The following PTPRN2 variants were observed in gnomAD, a reference collection of about 807,000 sequenced individuals.
PTPRN2 encodes the protein receptor-type tyrosine-protein phosphatase N2.
PTPRN2 carries 74 observed loss-of-function variants against 118.8 expected under a neutral mutation model. That is an observed-to-expected ratio of 0.62 (90% CI 0.52 to 0.76). The LOEUF (loss-of-function observed/expected upper bound fraction) is 0.76. Among genes scored for constraint, PTPRN2 ranks in the 30% least tolerant of loss-of-function variants. The pLI is 0.00. For missense variants in PTPRN2, 1,481 were observed against 1,394.4 expected, an observed-to-expected ratio of 1.06 and a Z score of -0.99; for synonymous variants, 641 against 608.0, an observed-to-expected ratio of 1.05 and a Z score of -0.80.
chr7:157,820,019 T>A (rs1052316370), intron 12 of PTPRN2, among the ~76,000 whole-genome samples: 2 of 142,742 alleles, frequency 1.4e-5, no homozygotes, highest in African/African-American at 5.3e-5. Context: ...CACACACACA[T>A]GCACACACAC....
chr7:158,115,263 C>T (rs916086934), intron 9 of PTPRN2, among the ~76,000 whole-genome samples: 4 of 152,136 alleles, frequency 2.6e-5, no homozygotes, highest in African/African-American at 7.2e-5. Context: ...AGGGAAACAG[C>T]TGGTGGCCTC....
intron 3 of PTPRN2, among the ~76,000 whole-genome samples, chr7:158,230,614 TTTAAG>T (rs1829103433): frequency 6.6e-6 from 1 of 152,180 alleles, no homozygotes; most frequent in Non-Finnish European, 1.5e-5. Context: ...TTGTTATATG[TTTAAG>T]TTGTTTTTTA....
intron 12 of PTPRN2, chr7:157,863,807 T>C (rs1233417698): frequency 6.6e-6 from 1 of 152,002 alleles, no homozygotes; most frequent in East Asian, 1.9e-4. Flanking sequence ...GACGTGCACG[T>C]GTGGAGACAC....
intron 11 of PTPRN2, among the ~76,000 whole-genome samples, chr7:158,033,173 G>T (rs1417423859): frequency 3.9e-5 from 3 of 77,530 alleles, no homozygotes; most frequent in African/African-American, 2.1e-4. Flanking sequence ...GCCATTGGGG[G>T]CCACGAATAA....
At chr7:157,688,984 G>A (rs1797333453) in intron 12 of PTPRN2, among the ~76,000 whole-genome samples, 1 of 152,196 alleles carries the variant, frequency 6.6e-6, no homozygotes, top group Non-Finnish European at 1.5e-5. Flanking sequence ...AGGGTGCTGC[G>A]GCCCAGCCTC....
rs111679599 is a variant in PTPRN2 at position 157,831,337 on chromosome 7, G to A, written c.1788+67336C>T. Among the ~76,000 whole-genome samples, 96 of 152,302 alleles carry A rather than the reference G, an allele frequency of 6.3e-4. 1 individual carries two copies. Among genetic ancestry groups the A allele is most frequent in the African/African-American group, 2.1e-3 (87 of 41,572 alleles). On this transcript the variant is annotated intron_variant, in intron 12 of 22. Transcript: ENST00000389418. This position sits in a 1 kb window ranked among gnomAD's most constrained non-coding sequence, Gnocchi z 4.8. ...TCCAGGTGTCCCGCCATGTGCAGCC[G>A]TGAATATCCTGTAGTCTAAGCCTTC... is the stretch of plus-strand genomic sequence containing the variant.
At chr7:157,840,499 T>A (rs1390710128) in intron 12 of PTPRN2, among the ~76,000 whole-genome samples, 1 of 151,914 alleles carries the variant, frequency 6.6e-6, no homozygotes, top group Non-Finnish European at 1.5e-5. Flanking sequence ...ACTGTGTGAC[T>A]GTGTGGAGTG....
chr7:157,557,551 C>CA (rs1404988718), intron 21 of PTPRN2, among the ~76,000 whole-genome samples: 82 of 70,412 alleles, frequency 1.2e-3, no homozygotes, highest in African/African-American at 4.5e-3. Flanking sequence ...CACACACACT[C>CA]CCACACACAC....
intron 5 of PTPRN2, among the ~76,000 whole-genome samples, chr7:158,189,403 T>C (rs1585791719): frequency 6.6e-6 from 1 of 152,230 alleles, no homozygotes; most frequent in African/African-American, 2.4e-5. Context: ...GAGGCTCCCA[T>C]TGAATGAAAC....
At chr7:158,578,551 ATCATAGATTC>A (rs1828463703) in intron 1 of PTPRN2, among the ~76,000 whole-genome samples, 1 of 151,396 alleles carries the variant, frequency 6.6e-6, no homozygotes, top group Non-Finnish European at 1.5e-5. Context: ...AAAAAAAAAA[ATCATAGATTC>A]AAAGAGTACA....
chr7:157,679,953 G>A (rs1733325655), intron 13 of PTPRN2, among the ~76,000 whole-genome samples: 1 of 152,070 alleles, frequency 6.6e-6, no homozygotes, highest in Admixed American at 6.6e-5. Flanking sequence ...CCACCTCCAC[G>A]CACCCGTCTC....
At chr7:158,583,190 C>G (rs927097212) in intron 1 of PTPRN2, among the ~76,000 whole-genome samples, 2 of 152,096 alleles carry the variant, frequency 1.3e-5, no homozygotes, top group African/African-American at 2.4e-5. Flanking sequence ...CAAAACAAAC[C>G]CAGAATGCAG....
At chr7:158,300,622 C>T (rs7807532) in intron 3 of PTPRN2, among the ~76,000 whole-genome samples, 114 of 152,374 alleles carry the variant, frequency 7.5e-4, no homozygotes, top group African/African-American at 2.6e-3. Flanking sequence ...GCTCATGTGG[C>T]CCTAAGAGGC....
At chr7:158,056,422 C>A (rs192748580) in intron 11 of PTPRN2, among the ~76,000 whole-genome samples, 1 of 152,322 alleles carries the variant, frequency 6.6e-6, no homozygotes, top group South Asian at 2.1e-4. Context: ...CTCCCATGAG[C>A]CCAGGGGAAA....
intron 6 of PTPRN2, among the ~76,000 whole-genome samples, chr7:158,140,900 T>C (rs1490552643): frequency 2.0e-5 from 3 of 152,232 alleles, no homozygotes; most frequent in African/African-American, 7.2e-5. Context: ...TCTTTTGTAT[T>C]CAGTGTTGAA....
At chr7:158,326,550 CAT>C (rs1200065139) in intron 2 of PTPRN2, among the ~76,000 whole-genome samples, 5 of 152,252 alleles carry the variant, frequency 3.3e-5, no homozygotes, top group African/African-American at 4.8e-5. Flanking sequence ...CACACAACCA[CAT>C]AATGCATGCA....
chr7:158,376,296 AG>A (rs1237677840), intron 2 of PTPRN2, among the ~76,000 whole-genome samples: 2 of 144,672 alleles, frequency 1.4e-5, no homozygotes, highest in East Asian at 2.1e-4. Context: ...ACGTCCTGAG[AG>A]GGGGGTCAGG....
intron 1 of PTPRN2, among the ~76,000 whole-genome samples, chr7:158,496,231 T>TCCCCC (rs1821836903): frequency 2.1e-5 from 1 of 47,966 alleles, no homozygotes; most frequent in African/African-American, 8.1e-5. Context: ...CCCTTCAGCC[T>TCCCCC]TCCCTCCCCT....
At chr7:158,137,209 G>T (rs1325949049) in intron 7 of PTPRN2, among the ~76,000 whole-genome samples, 1 of 152,074 alleles carries the variant, frequency 6.6e-6, no homozygotes, top group Non-Finnish European at 1.5e-5. Flanking sequence ...ATGAGGTCAG[G>T]AGTTGGAGAT....
Sources: gnomAD v4.1 joint callset for allele counts (sites outside exome capture counted in the v4.1 genomes callset) on GRCh38, gnomAD v4.1.1 for gene constraint, Gnocchi (gnomAD v3.1) non-coding constraint, MANE v1.5 for transcripts, NCBI Gene and HGNC (gene_info 2026-07-23, HGNC 2026-07-21) for gene names.